Variants in CTNNBL1 observed in about 807,000 individuals in gnomAD.
CTNNBL1 encodes beta-catenin-like protein 1.
Under a neutral mutation model 72.7 loss-of-function variants are expected in CTNNBL1, and 31 were observed. That is an observed-to-expected ratio of 0.43 (90% CI 0.32 to 0.58). CTNNBL1 has a LOEUF of 0.58. CTNNBL1 is among the 20% of genes least tolerant of loss of function. The pLI is 0.08. For synonymous variants in CTNNBL1, 240 were observed against 267.3 expected (o/e 0.90, Z 1.00); for missense variants, 534 against 725.1 (o/e 0.74, Z 3.03).
chr20:37,856,873 T>C (rs140743930), intron 13 of CTNNBL1, among the ~76,000 whole-genome samples: 1 of 152,314 alleles, frequency 6.6e-6, no homozygotes, highest in African/African-American at 2.4e-5. Flanking sequence ...ACCTCCATTT[T>C]CCTTATTTTT....
intron 5 of CTNNBL1, among the ~76,000 whole-genome samples, chr20:37,762,447 G>A (rs1043909691): frequency 2.0e-5 from 3 of 152,140 alleles, no homozygotes; most frequent in Non-Finnish European, 4.4e-5. Flanking sequence ...GGAAGATGAT[G>A]TGTGATCATG....
intron 13 of CTNNBL1, among the ~76,000 whole-genome samples, chr20:37,857,082 C>A (rs1411340895): frequency 6.6e-6 from 1 of 152,214 alleles, no homozygotes; most frequent in Non-Finnish European, 1.5e-5. Context: ...GTAATTCATA[C>A]AGTGGGATGA....
intron 1 of CTNNBL1, among the ~76,000 whole-genome samples, chr20:37,702,240 T>C (rs1267163272): frequency 6.6e-6 from 1 of 152,260 alleles, no homozygotes; most frequent in African/African-American, 2.4e-5. Context: ...ACTAATCTAC[T>C]AGGTATATTA....
intron 4 of CTNNBL1, among the ~76,000 whole-genome samples, chr20:37,749,510 C>T (rs936295931): frequency 2.6e-5 from 4 of 151,970 alleles, no homozygotes. Context: ...GACAGATTGC[C>T]ATTTCCCTCC....
chr20:37,787,346 T>TG (rs1656016360), intron 10 of CTNNBL1, among the ~76,000 whole-genome samples: 3 of 145,944 alleles, frequency 2.1e-5, no homozygotes, highest in Admixed American at 1.4e-4. Flanking sequence ...ACTGTGTGTT[T>TG]TTTTTTTTTT....
intron 2 of CTNNBL1, among the ~76,000 whole-genome samples, chr20:37,736,367 T>C (rs755630269): frequency 5.3e-5 from 8 of 152,236 alleles, no homozygotes; most frequent in Non-Finnish European, 1.0e-4. Flanking sequence ...TAAGGGTCAC[T>C]GTCACTGACT....
chr20:37,778,596 A>G (rs1030404355), intron 9 of CTNNBL1, among the ~76,000 whole-genome samples: 3 of 152,210 alleles, frequency 2.0e-5, no homozygotes, highest in African/African-American at 7.2e-5. Context: ...AAAGAAAACT[A>G]ATGCTGTAAG....
intron 11 of CTNNBL1, among the ~76,000 whole-genome samples, chr20:37,829,587 G>A (rs1397156135): frequency 2.6e-5 from 4 of 151,958 alleles, no homozygotes; most frequent in East Asian, 1.9e-4. Context: ...TCCCTCCTGC[G>A]ACATTGATCT....
chr20:37,755,612 C>T (rs1385109977), intron 4 of CTNNBL1, among the ~76,000 whole-genome samples: 3 of 152,144 alleles, frequency 2.0e-5, no homozygotes, highest in South Asian at 4.1e-4. Flanking sequence ...GTAAAGCAAA[C>T]CTTCAAGTAA....
At chr20:37,714,029 G>A (rs2072963441) in intron 1 of CTNNBL1, among the ~76,000 whole-genome samples, 1 of 151,842 alleles carries the variant, frequency 6.6e-6, no homozygotes, top group Admixed American at 6.6e-5. Context: ...GTAGATGGTG[G>A]AATCTTCTTC....
chr20:37,759,974 A>G (rs146993773), intron 5 of CTNNBL1, among the ~76,000 whole-genome samples: 340 of 152,330 alleles, frequency 2.2e-3, no homozygotes, highest in African/African-American at 7.7e-3. Flanking sequence ...TGCAGTTTGC[A>G]GTTATTGCTT....
rs1487526254 is a variant in CTNNBL1 at position 37,757,616 on chromosome 20, A to G, written c.524A>G (p.His175Arg). 1.2e-6 allele frequency: 2 copies of G among 1,613,878 alleles called. No homozygotes were observed. The highest frequency in any genetic ancestry group is 1.7e-6 in the Non-Finnish European group (2 of 1,179,790). The change falls in exon 5 of 16, where the codon CAT becomes CGT. Residue 175 changes from histidine to arginine, a missense_variant. His to Arg is a conservative substitution (Grantham distance 29). Transcript: ENST00000361383. ...LQELTDIDTL[H>R]ESEEGAEVLI... ...GAATTAACAGATATAGACACCCTCC[A>G]TGAGAGTGAAGAGGGAGCAGAAGTG...
At chr20:37,858,661 T>C (rs1390577942) in intron 13 of CTNNBL1, among the ~76,000 whole-genome samples, 11 of 152,200 alleles carry the variant, frequency 7.2e-5, no homozygotes, top group Admixed American at 7.2e-4. Context: ...AGCTGTTAGA[T>C]TGTACACTTT....
At chr20:37,838,690 C>T (rs1296869530) in intron 11 of CTNNBL1, among the ~76,000 whole-genome samples, 1 of 152,136 alleles carries the variant, frequency 6.6e-6, no homozygotes, top group Non-Finnish European at 1.5e-5. Context: ...GAGTTCAACA[C>T]CAACCTGGGT....
chr20:37,837,226 G>T (rs1396864187), intron 11 of CTNNBL1, among the ~76,000 whole-genome samples: 1 of 152,080 alleles, frequency 6.6e-6, no homozygotes, highest in African/African-American at 2.4e-5. Flanking sequence ...AGCTCTGTTA[G>T]CTCGCCATCC....
intron 11 of CTNNBL1, among the ~76,000 whole-genome samples, chr20:37,816,970 GC>G: frequency 6.6e-6 from 1 of 152,158 alleles, no homozygotes; most frequent in East Asian, 1.9e-4. Flanking sequence ...ATTGATGATG[GC>G]GATAGTGTGA....
At chr20:37,791,852 A>G (rs774503374) in intron 10 of CTNNBL1, among the ~76,000 whole-genome samples, 11 of 152,220 alleles carry the variant, frequency 7.2e-5, no homozygotes, top group Non-Finnish European at 1.2e-4. Context: ...TGGAAAAACT[A>G]TCTTCCACTA....
At chr20:37,865,632 G>A (rs1054468501) in intron 15 of CTNNBL1, among the ~76,000 whole-genome samples, 2 of 152,184 alleles carry the variant, frequency 1.3e-5, no homozygotes, top group Admixed American at 6.5e-5. Flanking sequence ...TGGCTGTGGC[G>A]TAGGAGCTGT....
chr20:37,763,960 TG>T (rs1249604764), intron 5 of CTNNBL1, among the ~76,000 whole-genome samples: 1 of 152,214 alleles, frequency 6.6e-6, no homozygotes, highest in African/African-American at 2.4e-5. Context: ...GTAGTAGACT[TG>T]GGGTATACAA....
Sources: gnomAD v4.1 joint callset for allele counts (sites outside exome capture counted in the v4.1 genomes callset) on GRCh38, gnomAD v4.1.1 for gene constraint, MANE v1.5 for transcripts, NCBI Gene and HGNC (gene_info 2026-07-23, HGNC 2026-07-21) for gene names.